TSHZ2: variants seen among roughly 807,000 people sequenced by gnomAD.
TSHZ2 encodes teashirt zinc finger homeobox 2.
TSHZ2 carries 21 observed loss-of-function variants against 74.4 expected under a neutral mutation model. The ratio of observed to expected loss-of-function variants is 0.28; its 90% confidence interval spans 0.20 to 0.41. The LOEUF is 0.41. Ranked by LOEUF, TSHZ2 falls within the 10% of genes least tolerant of loss-of-function variation. The pLI, the probability that TSHZ2 is intolerant of heterozygous loss-of-function variation, is 1.00. For synonymous variants in TSHZ2, 540 were observed against 515.3 expected, an observed-to-expected ratio of 1.05 and a Z score of -0.65; for missense variants, 1,244 against 1,293.5, an observed-to-expected ratio of 0.96 and a Z score of 0.59.
intron 1 of TSHZ2, among the ~76,000 whole-genome samples, chr20:53,100,148 T>C (rs973817875): frequency 6.6e-6 from 1 of 152,186 alleles, no homozygotes; most frequent in African/African-American, 2.4e-5. Flanking sequence ...CTGAGATTAG[T>C]TAACTTGCTT....
chr20:53,472,633 C>A (rs1418203838), intron 2 of TSHZ2, among the ~76,000 whole-genome samples: 2 of 151,732 alleles, frequency 1.3e-5, no homozygotes, highest in Non-Finnish European at 2.9e-5. Flanking sequence ...TTAGAAAGAG[C>A]TCCTCAGGGG....
rs77002889 is a variant in TSHZ2, at chr20:53,384,732, C to T, written c.*9-102412C>T. ...TAAAGCAATAATGATCCAGGTGGTACCTGCATTACTTAGTATCCTCAGTGG... is the reference window on the plus strand; with the variant it reads ...TAAAGCAATAATGATCCAGGTGGTATCTGCATTACTTAGTATCCTCAGTGG... On this transcript the variant is annotated intron_variant, in intron 2 of 2. Transcript: ENST00000371497. Among the ~76,000 whole-genome samples, 882 of 152,302 alleles carry T rather than the reference C, an allele frequency of 5.8e-3. 7 individuals are homozygous for T. Among genetic ancestry groups the T allele is most frequent in the Non-Finnish European group, 8.7e-3 (594 of 68,032 alleles).
chr20:53,168,412 TA>T lies in TSHZ2; in HGVS notation c.41-85084del, dbSNP rs1489528347. ...TATGAGAATGGAATGTGTTCTTAGTTAAACTCCAAAAGAGTTAAAATCCACT... is the reference window on the plus strand; with the variant it reads ...TATGAGAATGGAATGTGTTCTTAGTTAACTCCAAAAGAGTTAAAATCCACT... On this transcript the variant is annotated intron_variant, in intron 1 of 2. Transcript: ENST00000371497. Among the ~76,000 whole-genome samples, 10 of 152,352 alleles carry T rather than the reference TA, an allele frequency of 6.6e-5. No individual in the cohort carries two copies. In the South Asian group the frequency reaches 1.2e-3, roughly 19 times the overall value.
chr20:53,460,440 T>C (rs1985311720), intron 2 of TSHZ2, among the ~76,000 whole-genome samples: 1 of 152,234 alleles, frequency 6.6e-6, no homozygotes. Context: ...ATTCTAGTTA[T>C]GCATTCTTCT....
intron 1 of TSHZ2, among the ~76,000 whole-genome samples, chr20:53,249,728 G>A (rs1258593297): frequency 2.0e-5 from 3 of 152,216 alleles, no homozygotes; most frequent in Admixed American, 6.5e-5. Context: ...AGAGAAGGCC[G>A]TGGGTGATGA....
At chr20:53,443,305 A>G (rs1043086724) in intron 2 of TSHZ2, among the ~76,000 whole-genome samples, 4 of 152,210 alleles carry the variant, frequency 2.6e-5, no homozygotes, top group Admixed American at 1.3e-4. Context: ...ATGATGTTTA[A>G]GAGGGATCTT....
At chr20:53,484,402 T>C (rs74175978) in intron 2 of TSHZ2, among the ~76,000 whole-genome samples, 27,222 of 142,294 alleles carry the variant, frequency 0.19, 2,506 homozygotes, top group East Asian at 0.29. Context: ...TTTTTTTTTT[T>C]TAAGACAGAG....
intron 1 of TSHZ2, among the ~76,000 whole-genome samples, chr20:53,015,996 C>T (rs1983028056): frequency 6.6e-6 from 1 of 152,120 alleles, no homozygotes; most frequent in African/African-American, 2.4e-5. Flanking sequence ...CATGCCCTGC[C>T]TCTGACGTTA....
At chr20:53,259,554 C>A (rs1990558761) in intron 2 of TSHZ2, among the ~76,000 whole-genome samples, 2 of 152,164 alleles carry the variant, frequency 1.3e-5, no homozygotes, top group Admixed American at 1.3e-4. Context: ...AAATTATAGT[C>A]ATCACTGTGT....
At chr20:53,030,077 A>C (rs1983582524) in intron 1 of TSHZ2, among the ~76,000 whole-genome samples, 1 of 152,048 alleles carries the variant, frequency 6.6e-6, no homozygotes, top group African/African-American at 2.4e-5. Flanking sequence ...ACAACCCCTC[A>C]ATAGGGCAGA....
chr20:53,279,446 C>T (rs569708264), intron 2 of TSHZ2, among the ~76,000 whole-genome samples: 24 of 152,336 alleles, frequency 1.6e-4, no homozygotes, highest in Non-Finnish European at 2.8e-4. Flanking sequence ...ATAAAAACCA[C>T]TCTTACTTTG....
intron 1 of TSHZ2, among the ~76,000 whole-genome samples, chr20:53,188,911 C>A (rs11908074): frequency 7.2e-5 from 11 of 152,108 alleles, no homozygotes; most frequent in African/African-American, 2.7e-4. Flanking sequence ...GCATTTAATC[C>A]TTATAACATG....
At chr20:53,090,418 G>T (rs557417260) in intron 1 of TSHZ2, among the ~76,000 whole-genome samples, 10 of 152,362 alleles carry the variant, frequency 6.6e-5, no homozygotes, top group South Asian at 6.2e-4. Flanking sequence ...TCTGACTGGG[G>T]TTGAGAATAG....
At chr20:53,034,227 A>G (rs547368505) in intron 1 of TSHZ2, among the ~76,000 whole-genome samples, 55 of 152,326 alleles carry the variant, frequency 3.6e-4, no homozygotes, top group African/African-American at 1.2e-3. Flanking sequence ...AACACTAGCT[A>G]GATGCCCCCT....
chr20:53,480,251 T>G (rs1310328211), intron 2 of TSHZ2, among the ~76,000 whole-genome samples: 4 of 152,016 alleles, frequency 2.6e-5, no homozygotes, highest in Admixed American at 2.0e-4. Flanking sequence ...GTATTTTTAA[T>G]AGAGACTGGG....
At position 53,268,659 on chromosome 20, in the gene TSHZ2, G is replaced by T. The variant is rs537333446; in HGVS notation, c.*8+12088G>T. ...ATGAACAACAAATGGTTATTTTAAAGATCTATCTTGGATGGCTATTTAATT... is the reference window on the plus strand; with the variant it reads ...ATGAACAACAAATGGTTATTTTAAATATCTATCTTGGATGGCTATTTAATT... On this transcript the variant is annotated intron_variant, in intron 2 of 2. Transcript: ENST00000371497. Among the ~76,000 whole-genome samples the T allele has an allele frequency of 1.6e-4, 24 of 152,290 alleles. 1 individual carries two copies. The highest frequency in any genetic ancestry group is 5.8e-4 in the African/African-American group (24 of 41,562).
chr20:52,986,392 A>C (rs1305302167), intron 1 of TSHZ2, among the ~76,000 whole-genome samples: 1 of 141,800 alleles, frequency 7.1e-6, no homozygotes, highest in Non-Finnish European at 1.5e-5. Context: ...CAATGGAGCA[A>C]GAATCCATCA....
rs184101446 is a variant in TSHZ2, at chr20:53,205,141, C to T, written c.41-48358C>T. ...CTTGCTAAGAGTCACACAGTTATCACGTGAGCGATTCAATTCTGGATTTGT... is the reference window on the plus strand; with the variant it reads ...CTTGCTAAGAGTCACACAGTTATCATGTGAGCGATTCAATTCTGGATTTGT... On this transcript the variant is annotated intron_variant, in intron 1 of 2. Transcript: ENST00000371497. Among the ~76,000 whole-genome samples, 6 of 151,562 alleles carry T rather than the reference C, an allele frequency of 4.0e-5. No individual in the cohort carries two copies. The East Asian group carries it at 7.8e-4, about 20-fold the overall frequency.
intron 1 of TSHZ2, among the ~76,000 whole-genome samples, chr20:53,054,271 A>G (rs183526188): frequency 2.0e-5 from 3 of 152,320 alleles, no homozygotes; most frequent in Admixed American, 2.0e-4. Flanking sequence ...GCATGGTGTA[A>G]GAATTTGCCT....
Sources: allele counts gnomAD v4.1 joint callset (sites outside exome capture counted in the v4.1 genomes callset), GRCh38; gene constraint gnomAD v4.1.1; transcripts MANE v1.5; gene names NCBI Gene and HGNC (gene_info 2026-07-23, HGNC 2026-07-21).